Variants in FAAP100 observed in about 807,000 individuals in gnomAD.
The protein encoded by FAAP100 is Fanconi anemia core complex-associated protein 100.
FAAP100 carries 46 observed loss-of-function variants against 65.8 expected under a neutral mutation model. The ratio of observed to expected loss-of-function variants is 0.70; its 90% CI spans 0.55 to 0.89. The LOEUF (loss-of-function observed/expected upper bound fraction) is 0.89, where lower values mean the gene tolerates loss of function less well. FAAP100 is among the 40% of genes least tolerant of loss of function. The pLI, the probability that FAAP100 is intolerant of heterozygous loss-of-function variation, is 0.00. For missense variants in FAAP100, 1,165 were observed against 1,196.7 expected, an observed-to-expected ratio of 0.97 and a Z score of 0.39; for synonymous variants, 663 against 555.1, an observed-to-expected ratio of 1.19 and a Z score of -2.73.
intron 2 of FAAP100, 40 bp downstream of exon 2, chr17:81,551,888 G>A: frequency 6.6e-7 from 1 of 1,517,362 alleles, no homozygotes; most frequent in Non-Finnish European, 8.8e-7. Context: ...TCCGGGGGCA[G>A]CAGGAGTGTG....
chr17:81,545,291 G>A (rs777601484), intron 6 of FAAP100, among the ~76,000 whole-genome samples: 1 of 152,256 alleles, frequency 6.6e-6, no homozygotes, highest in African/African-American at 2.4e-5. Context: ...ACTTGAGAGT[G>A]TGCTGGAGGC....
rs369230468 is a variant in FAAP100 at position 81,540,813 on chromosome 17, G to A, written c.*6C>T. ...GTGGCCAGAGCCCAGGGGCAGGCCCGCCTGGTCACAGCAGGATGAGGCTGG... is the reference window on the plus strand; with the variant it reads ...GTGGCCAGAGCCCAGGGGCAGGCCCACCTGGTCACAGCAGGATGAGGCTGG... On this transcript the variant is annotated 3_prime_UTR_variant, in exon 9 of 9. Transcript: ENST00000327787. 96 of 1,513,684 alleles carry A rather than the reference G, an allele frequency of 6.3e-5. No homozygotes were observed. The African/African-American group carries it at 9.4e-4, about 15-fold the overall frequency. The allele number at this position is 1,513,684 out of a possible 1,614,324, so 93.8% of individuals were successfully genotyped here. A position where few individuals can be genotyped will look rare whatever the true frequency, so the allele number is the denominator to read the frequency against.
At position 81,552,179 on chromosome 17, in the gene FAAP100, C is replaced by A; in HGVS notation, c.152G>T (p.Gly51Val). The A allele has an allele frequency of 6.7e-7, 1 of 1,496,968 alleles. No homozygotes were observed. The highest frequency in any genetic ancestry group is 8.8e-7 in the Non-Finnish European group (1 of 1,130,148). The allele number at this position is 1,496,968 out of a possible 1,614,324, so 92.7% of individuals were successfully genotyped here. A position where few individuals can be genotyped will look rare whatever the true frequency, so the allele number is the denominator to read the frequency against. ...SELVYVYDQE[G>V]GLLTAAFRFP... ...GCCGGCGCTCACGGTCAGCAGCCCGCCCTCCTGGTCGTACACGTAGACGAG... is the reference window on the plus strand; with the variant it reads ...GCCGGCGCTCACGGTCAGCAGCCCGACCTCCTGGTCGTACACGTAGACGAG... The change falls in exon 1 of 9, where the codon GGC (glycine) becomes GTC (valine). Residue 51 changes from glycine (G) to valine (V), a missense_variant. Physicochemically the swap from Gly to Val is moderately radical, Grantham distance 109. Transcript: ENST00000327787.
Position 81,540,633 on chromosome 17 carries a change from C to T in FAAP100, c.*186G>A. The T allele has an allele frequency of 1.3e-6, 1 of 779,342 alleles. No homozygotes were observed. Among genetic ancestry groups the T allele is most frequent in the Admixed American group, 3.7e-5 (1 of 27,346 alleles). The allele number at this position is 779,342 out of a possible 1,614,324, so 48.3% of individuals were successfully genotyped here. On this transcript the variant is annotated 3_prime_UTR_variant, in exon 9 of 9. Coordinates refer to ENST00000327787, the MANE Select transcript of FAAP100 (RefSeq NM_025161.6). ...AGAGCCCGCCTCGGTTGCTCCCAATCAGAATCTGCTTTGTGCTCCACGGCC... is the reference window on the plus strand; with the variant it reads ...AGAGCCCGCCTCGGTTGCTCCCAATTAGAATCTGCTTTGTGCTCCACGGCC...
chr17:81,549,194 T>C lies in FAAP100; in HGVS notation c.1403+12A>G. ...GCGCCAGCCTCTACCCGGTCCGAGC[T>C]GAGCTGCTCACCTCTCAGAGATGTT... On this transcript the variant is annotated intron_variant, in intron 4 of 8. Coordinates refer to ENST00000327787, the MANE Select transcript of FAAP100 (RefSeq NM_025161.6). The C allele has an allele frequency of 6.2e-7, 1 of 1,611,390 alleles. No homozygotes were observed.
In FAAP100 at chr17:81,545,787, C is replaced by T; in HGVS notation, c.2269G>A (p.Val757Met). 6.2e-7 allele frequency: 1 copy of T among 1,612,440 alleles called. No homozygotes were observed. Among genetic ancestry groups the T allele is most frequent in the Non-Finnish European group, 8.5e-7 (1 of 1,179,856 alleles). ...TGAACGTTGGCGCCATCAGGGGCCA[C>T]TCCCTGGATGGAAGATAGTGCTCGG... ...RARALSSIQG[V>M]APDGANVHLI... Residue 757 changes from valine (V) to methionine (M), a missense_variant, in exon 6 of 9, where the codon GTG (valine) becomes ATG (methionine). Coordinates refer to ENST00000327787, the MANE Select transcript of FAAP100 (RefSeq NM_025161.6).
chr17:81,542,177 A>T (rs1383142842), intron 7 of FAAP100, among the ~76,000 whole-genome samples: 1 of 60,488 alleles, frequency 1.7e-5, no homozygotes, highest in African/African-American at 1.0e-4. Flanking sequence ...AAAAAAAAAA[A>T]AAAAAAAAAA....
rs369300560 is a variant in FAAP100 at position 81,544,000 on chromosome 17, A to G, written c.2427+4T>C. ...TGGCCACCTTCCCCAGCGGGCCGACATACCTGCATGCGCCCGACAACGGCA... is the reference window on the plus strand; with the variant it reads ...TGGCCACCTTCCCCAGCGGGCCGACGTACCTGCATGCGCCCGACAACGGCA... On this transcript the variant is annotated splice_donor_region_variant and intron_variant, in intron 7 of 8. Coordinates refer to ENST00000327787, the MANE Select transcript of FAAP100 (RefSeq NM_025161.6). 490 of 1,609,746 alleles carry G rather than the reference A, an allele frequency of 3.0e-4. 6 individuals carry two copies. The South Asian group carries it at 5.1e-3, about 17-fold the overall frequency.
rs537141402 is a variant in FAAP100 at position 81,545,968 on chromosome 17, G to C, written c.2174-86C>G. ...CTACCAGGTGGGCATCTGCATACCT[G>C]CCCCAAAGTGCCCTTCCCAGAGCCA... On this transcript the variant is annotated intron_variant, in intron 5 of 8. Coordinates refer to ENST00000327787, the MANE Select transcript of FAAP100 (RefSeq NM_025161.6). 1.5e-5 allele frequency: 22 copies of C among 1,459,246 alleles called. No individual in the cohort carries two copies. The East Asian group carries it at 3.0e-4, about 20-fold the overall frequency. The allele number at this position is 1,459,246 out of a possible 1,614,324, so 90.4% of individuals were successfully genotyped here.
At chr17:81,543,970 G>A in intron 7 of FAAP100, 34 bp downstream of exon 7, 1 of 1,579,614 alleles carries the variant, frequency 6.3e-7, no homozygotes, top group African/African-American at 1.3e-5. Context: ...GCGACCCACA[G>A]ATCCTGGCCA....
Position 81,547,178 on chromosome 17 carries a change from T to TG in FAAP100, c.1903dup (p.Gln635ProfsTer105). The TG allele has an allele frequency of 1.9e-6, 3 of 1,550,622 alleles. No homozygotes were observed. Among genetic ancestry groups the TG allele is most frequent in the Non-Finnish European group, 2.6e-6 (3 of 1,146,022 alleles). On this transcript the variant is annotated frameshift_variant, in exon 5 of 9. Transcript: ENST00000327787. LOFTEE classifies it high-confidence loss of function. The stretch of plus-strand genomic sequence containing the variant: ...GCTCAGGGGCAGGCAAACACCCTCT[T>TG]GCTCGGGCAGGACGTCGGAGGGGCA...
rs907790116 is a variant in FAAP100, at chr17:81,543,874, G to A, written c.2427+130C>T. 6 of 832,088 alleles carry A rather than the reference G, an allele frequency of 7.2e-6. No homozygotes were observed. The Admixed American group carries it at 9.3e-5, about 13-fold the overall frequency. The allele number at this position is 832,088 out of a possible 1,614,324, so 51.5% of individuals were successfully genotyped here. The stretch of plus-strand genomic sequence containing the variant: ...CAACACCGCACTCAGCGGCAGAGCA[G>A]ACTTGGATCTTCCTACAACTCCCTT... On this transcript the variant is annotated intron_variant, in intron 7 of 8. Transcript: ENST00000327787.
In FAAP100 at chr17:81,550,685, G is replaced by A. The variant is rs922560326; in HGVS notation, c.809C>T (p.Ala270Val). The A allele has an allele frequency of 5.6e-6, 9 of 1,613,008 alleles. No homozygotes were observed. Among genetic ancestry groups the A allele is most frequent in the Admixed American group, 3.3e-5 (2 of 60,030 alleles). ...TSRSAPGDPN[A>V]LVKILHHLEE... ...CAGGTGATGGAGGATCTTGACAAGG[G>A]CATTTGGGTCACCAGGGGCTGACCT... The change falls in exon 3 of 9, where the codon GCC (alanine) becomes GTC (valine). Residue 270 changes from alanine to valine, a missense_variant. Coordinates refer to ENST00000327787, the MANE Select transcript of FAAP100 (RefSeq NM_025161.6).
rs145082663 is a variant in FAAP100, at chr17:81,549,240, C to T, written c.1369G>A (p.Glu457Lys). 2,488 of 1,612,986 alleles carry T rather than the reference C, an allele frequency of 1.5e-3. 5 individuals carry two copies. The highest frequency in any genetic ancestry group is 1.8e-3 in the Non-Finnish European group (2,144 of 1,179,970). Residue 457 changes from glutamate to lysine, a missense_variant, in exon 4 of 9, where the codon GAG (glutamate) becomes AAG (lysine). By Grantham distance (56) the Glu-to-Lys change is moderately conservative (BLOSUM62 1). Coordinates refer to ENST00000327787, the MANE Select transcript of FAAP100 (RefSeq NM_025161.6). Reference sequence around the variant, plus strand: ...ATGTTGCCAATTCCAGACAGCAGCTCCTTTATTTTCTGACCTGCACTCTCT... The same window carrying T: ...ATGTTGCCAATTCCAGACAGCAGCTTCTTTATTTTCTGACCTGCACTCTCT... ...TTESAGQKIK[E>K]LLSGIGNISE...
At chr17:81,545,541 C>CGG (rs949653330) in intron 6 of FAAP100, among the ~76,000 whole-genome samples, 20 of 152,012 alleles carry the variant, frequency 1.3e-4, no homozygotes, top group Admixed American at 5.2e-4. Flanking sequence ...GGCCAGTCCT[C>CGG]GGGGATCTGA....
In FAAP100 at chr17:81,550,307, G is replaced by A. The variant is rs1288485223; in HGVS notation, c.1187C>T (p.Pro396Leu). ...GPGGLPPMLC[P>L]ASLNICSVVS... ...GACACTGCAGATGTTCAGGCTGGCT[G>A]GGCACAGCATGGGGGGCAGGCCTCC... Residue 396 changes from proline (P) to leucine (L), a missense_variant, in exon 3 of 9, where the codon CCA becomes CTA. Physicochemically the swap from Pro to Leu is moderately conservative, Grantham distance 98. Coordinates refer to ENST00000327787, the MANE Select transcript of FAAP100 (RefSeq NM_025161.6). 4 of 1,612,654 alleles carry A rather than the reference G, an allele frequency of 2.5e-6. No homozygotes were observed. The highest frequency in any genetic ancestry group is 1.7e-4 in the Middle Eastern group (1 of 6,060).
chr17:81,551,546 G>A (rs981243807), intron 2 of FAAP100, among the ~76,000 whole-genome samples: 8 of 152,346 alleles, frequency 5.3e-5, no homozygotes, highest in Middle Eastern at 3.4e-3. Context: ...CCCGGAGCTC[G>A]CTTCCTTCCA....
chr17:81,542,123 C>T (rs1439443571), intron 7 of FAAP100, among the ~76,000 whole-genome samples: 3 of 127,944 alleles, frequency 2.3e-5, no homozygotes, highest in Admixed American at 8.8e-5. Flanking sequence ...GCCGAGATCC[C>T]GCCACTGCAC....
At position 81,547,291 on chromosome 17, in the gene FAAP100, G is replaced by A. The variant is rs781766599; in HGVS notation, c.1791C>T (p.Thr597=). Residue 597 remains threonine (T), a synonymous_variant, in exon 5 of 9, where the codon ACC becomes ACT. Transcript: ENST00000327787. ...GACTGTAGAACAGCGTGCAGGACAC[G>A]GTCACGGGCAGGTCGAGCCCGCCGT... ...GENGGLDLPV[T]VSCTLFYSLR... is the part of the protein sequence containing the mutation. The A allele has an allele frequency of 5.1e-5, 82 of 1,611,888 alleles. No homozygotes were observed. Among genetic ancestry groups the A allele is most frequent in the Admixed American group, 3.3e-4 (20 of 59,988 alleles).
Sources: gnomAD v4.1 joint callset for allele counts (sites outside exome capture counted in the v4.1 genomes callset) on GRCh38, gnomAD v4.1.1 for gene constraint, MANE v1.5 for transcripts, NCBI Gene and HGNC (gene_info 2026-07-23, HGNC 2026-07-21) for gene names.